Variants in DSCAM observed in about 807,000 individuals in gnomAD.
DSCAM encodes the protein cell adhesion molecule DSCAM.
Under a neutral mutation model 217.7 loss-of-function variants are expected in DSCAM, and 47 were observed. That is an observed-to-expected ratio of 0.22 (90% CI 0.17 to 0.28). The LOEUF is 0.28. Among genes scored for constraint, DSCAM ranks in the 10% least tolerant of loss-of-function variants. DSCAM has a pLI of 1.00. For missense variants in DSCAM, 2,080 were observed against 2,618.3 expected, an observed-to-expected ratio of 0.79 and a Z score of 4.49; for synonymous variants, 1,056 against 1,015.3, an observed-to-expected ratio of 1.04 and a Z score of -0.76.
intron 18 of DSCAM, among the ~76,000 whole-genome samples, chr21:40,139,335 G>A (rs1445837556): frequency 2.6e-5 from 4 of 151,990 alleles, no homozygotes; most frequent in African/African-American, 7.3e-5. Flanking sequence ...TTAGGGAGAC[G>A]TGAGACATCA....
chr21:40,650,248 T>C (rs2089996763), intron 3 of DSCAM, among the ~76,000 whole-genome samples: 2 of 152,242 alleles, frequency 1.3e-5, no homozygotes, highest in South Asian at 4.1e-4. Flanking sequence ...TGTCACATTT[T>C]GCATGATGTA....
At chr21:40,213,762 G>A (rs1041456237) in intron 11 of DSCAM, among the ~76,000 whole-genome samples, 3 of 152,108 alleles carry the variant, frequency 2.0e-5, no homozygotes, top group African/African-American at 4.8e-5. Context: ...AATCCTTGAG[G>A]CAGCCTCTCC....
intron 3 of DSCAM, among the ~76,000 whole-genome samples, chr21:40,536,604 C>T (rs750847493): frequency 2.0e-4 from 30 of 152,082 alleles, no homozygotes; most frequent in Non-Finnish European, 3.4e-4. Context: ...GACAGGGTTT[C>T]ACCATGTTAG....
chr21:40,601,369 T>G (rs1601779167), intron 3 of DSCAM, among the ~76,000 whole-genome samples: 1 of 152,238 alleles, frequency 6.6e-6, no homozygotes, highest in South Asian at 2.1e-4. Flanking sequence ...TCTTGTATCC[T>G]GCAACCCTCT....
At chr21:40,051,269 T>C (rs1216644696) in intron 30 of DSCAM, among the ~76,000 whole-genome samples, 1 of 152,190 alleles carries the variant, frequency 6.6e-6, no homozygotes, top group Non-Finnish European at 1.5e-5. Flanking sequence ...TATGAAGAAA[T>C]AAGAGTATCT....
chr21:40,317,532 TTC>T (rs955647724), intron 8 of DSCAM, among the ~76,000 whole-genome samples: 3 of 152,110 alleles, frequency 2.0e-5, no homozygotes, highest in African/African-American at 7.2e-5. Flanking sequence ...TTTCTTTTCT[TTC>T]TTTTTCTTTT....
At chr21:40,647,540 G>C (rs778588926) in intron 3 of DSCAM, among the ~76,000 whole-genome samples, 1 of 152,104 alleles carries the variant, frequency 6.6e-6, no homozygotes, top group Non-Finnish European at 1.5e-5. Flanking sequence ...ATAAATCATA[G>C]TCCAAAGTCA....
intron 3 of DSCAM, among the ~76,000 whole-genome samples, chr21:40,602,718 T>C (rs928993201): frequency 3.9e-5 from 6 of 152,194 alleles, no homozygotes; most frequent in Non-Finnish European, 7.3e-5. Flanking sequence ...TCATGTCTTC[T>C]TTTTGCTTGA....
At chr21:40,297,602 A>T (rs1358990702) in intron 9 of DSCAM, among the ~76,000 whole-genome samples, 4 of 152,212 alleles carry the variant, frequency 2.6e-5, no homozygotes, top group African/African-American at 4.8e-5. Flanking sequence ...TTAGGGCCTA[A>T]GTTAGCAAGG....
At chr21:40,654,427 G>A (rs776380983) in intron 3 of DSCAM, among the ~76,000 whole-genome samples, 1 of 152,172 alleles carries the variant, frequency 6.6e-6, no homozygotes, top group Non-Finnish European at 1.5e-5. Context: ...GTTCGATTTT[G>A]ATTGTTCACT....
At chr21:40,793,169 GTTATTGAACTCTTAGTCC>G (rs1437976429) in intron 1 of DSCAM, among the ~76,000 whole-genome samples, 1 of 152,178 alleles carries the variant, frequency 6.6e-6, no homozygotes, top group Non-Finnish European at 1.5e-5. Flanking sequence ...CAGATAAAAT[GTTATTGAACTCTTAGTCC>G]TTCAGCTGCT....
intron 3 of DSCAM, among the ~76,000 whole-genome samples, chr21:40,377,399 G>A (rs1050673705): frequency 2.0e-5 from 3 of 152,104 alleles, no homozygotes; most frequent in Non-Finnish European, 4.4e-5. Flanking sequence ...TACAACCAGA[G>A]TGGGGCAGAA....
intron 3 of DSCAM, among the ~76,000 whole-genome samples, chr21:40,472,506 T>A (rs1034106994): frequency 6.6e-6 from 1 of 152,252 alleles, no homozygotes; most frequent in East Asian, 1.9e-4. Flanking sequence ...TGCATCTTGT[T>A]GTATTGGATA....
chr21:40,381,076 A>G (rs112334872), intron 3 of DSCAM, among the ~76,000 whole-genome samples: 40 of 149,518 alleles, frequency 2.7e-4, no homozygotes, highest in African/African-American at 8.7e-4. Context: ...AAAAAAAAAA[A>G]AAAAAAAAGA....
At chr21:40,296,371 T>G (rs777304177) in intron 9 of DSCAM, among the ~76,000 whole-genome samples, 197 bp from the exon 10 acceptor site, 34 of 152,224 alleles carry the variant, frequency 2.2e-4, no homozygotes, top group Non-Finnish European at 4.7e-4. Flanking sequence ...TTCTGATTCA[T>G]ATCAATGAGC....
intron 3 of DSCAM, among the ~76,000 whole-genome samples, chr21:40,529,728 C>A (rs2076427999): frequency 6.6e-6 from 1 of 152,154 alleles, no homozygotes; most frequent in Non-Finnish European, 1.5e-5. Context: ...TACATAACCA[C>A]CTTCAGAACC....
intron 3 of DSCAM, among the ~76,000 whole-genome samples, chr21:40,680,460 C>G (rs9976262): frequency 1.4e-4 from 21 of 152,010 alleles, no homozygotes; most frequent in Admixed American, 6.5e-4. Context: ...CCAGGCTCCT[C>G]TGAGTGCAAA....
intron 11 of DSCAM, among the ~76,000 whole-genome samples, chr21:40,208,935 A>C (rs1487423237): frequency 1.3e-5 from 2 of 152,174 alleles, no homozygotes; most frequent in Non-Finnish European, 2.9e-5. Context: ...CCCTCAAAAC[A>C]AACAGCCCCT....
chr21:40,267,618 C>T (rs568836630), intron 11 of DSCAM, among the ~76,000 whole-genome samples: 2 of 152,234 alleles, frequency 1.3e-5, no homozygotes, highest in African/African-American at 2.4e-5. Flanking sequence ...GATTATGGGC[C>T]GGGTGTGGTG....
Sources: allele counts gnomAD v4.1 joint callset (sites outside exome capture counted in the v4.1 genomes callset), GRCh38; gene constraint gnomAD v4.1.1; transcripts MANE v1.5; gene names NCBI Gene and HGNC (gene_info 2026-07-23, HGNC 2026-07-21).